The following MCFD2 variants were observed in gnomAD, a reference collection of about 807,000 sequenced individuals.
The protein encoded by MCFD2 is multiple coagulation factor deficiency protein 2.
Under a neutral mutation model 12.8 loss-of-function variants are expected in MCFD2, and 11 were observed. The ratio of observed to expected loss-of-function variants is 0.86; its 90% CI spans 0.54 to 1.42. MCFD2 has a LOEUF of 1.42. Among genes scored for constraint, MCFD2 ranks in the 40% most tolerant of loss-of-function variants. MCFD2 has a pLI of 0.00. For synonymous variants in MCFD2, 70 were observed against 68.1 expected, an observed-to-expected ratio of 1.03 and a Z score of -0.14; for missense variants, 191 against 178.6, an observed-to-expected ratio of 1.07 and a Z score of -0.40.
intron 1 of MCFD2, among the ~76,000 whole-genome samples, chr2:46,934,921 C>G (rs1669900449): frequency 6.6e-6 from 1 of 150,616 alleles, no homozygotes; most frequent in Non-Finnish European, 1.5e-5. Context: ...TTGCCTCAGC[C>G]TCCTGAGTAG....
rs917266721 is a variant in MCFD2, at chr2:46,904,864, G to C, written c.*599C>G. Reference sequence around the variant, plus strand: ...GACATGAGATTTGGAGGGGCCAGGGGTAGAATGATATGGTTTGGCTATGTC... The same window carrying C: ...GACATGAGATTTGGAGGGGCCAGGGCTAGAATGATATGGTTTGGCTATGTC... On this transcript the variant is annotated 3_prime_UTR_variant, in exon 4 of 4. Transcript: ENST00000319466. The C allele has an allele frequency of 1.1e-5, 2 of 175,972 alleles. No homozygotes were observed. The highest frequency in any genetic ancestry group is 4.8e-5 in the African/African-American group (2 of 41,800). The allele number at this position is 175,972 out of a possible 1,614,324, so 10.9% of individuals were successfully genotyped here. A position where few individuals can be genotyped will look rare whatever the true frequency, so the allele number is the denominator to read the frequency against.
chr2:46,910,114 A>G (rs775567036), intron 1 of MCFD2, among the ~76,000 whole-genome samples: 59 of 152,210 alleles, frequency 3.9e-4, no homozygotes, highest in Non-Finnish European at 6.5e-4. Flanking sequence ...CAGAGAAATC[A>G]GGATGCCATC....
In MCFD2 at chr2:46,902,509, G is replaced by T. The variant is rs1457613605; in HGVS notation, c.*2954C>A. 1 of 152,606 alleles carries T rather than the reference G, an allele frequency of 6.6e-6. No individual in the cohort carries two copies. The highest frequency in any genetic ancestry group is 1.5e-5 in the Non-Finnish European group (1 of 68,038). The allele number at this position is 152,606 out of a possible 1,614,324, so 9.5% of individuals were successfully genotyped here. On this transcript the variant is annotated 3_prime_UTR_variant, in exon 4 of 4. Transcript: ENST00000319466. ...ATTAGAGAACACACTCAAATTCAGG[G>T]TCTCTCCCAGGTTGAAGAAGACAGA...
Position 46,909,034 on chromosome 2 carries a change from C to A in MCFD2, c.138G>T (p.Val46=), listed in dbSNP as rs766859640. ...GGCTGAATACGTACTCTTGGTCGTG[C>A]ACTGTGTTCTTATCCAGGCCCATGC... ...PGSMGLDKNT[V]HDQEHIMEHL... Residue 46 remains valine, a synonymous_variant, in exon 2 of 4, where the codon GTG becomes GTT. Coordinates refer to ENST00000319466, the MANE Select transcript of MCFD2 (RefSeq NM_139279.6). 6.2e-7 allele frequency: 1 copy of A among 1,614,236 alleles called. No homozygotes were observed. Among genetic ancestry groups the A allele is most frequent in the East Asian group, 2.2e-5 (1 of 44,884 alleles).
At chr2:46,915,065 T>C (rs1668656376) in intron 1 of MCFD2, among the ~76,000 whole-genome samples, 1 of 152,164 alleles carries the variant, frequency 6.6e-6, no homozygotes, top group East Asian at 1.9e-4. Context: ...CCTCTCTGTA[T>C]AGAACAAACT....
At chr2:46,932,291 A>G (rs1380565406) in intron 1 of MCFD2, among the ~76,000 whole-genome samples, 1 of 152,000 alleles carries the variant, frequency 6.6e-6, no homozygotes, top group African/African-American at 2.4e-5. Context: ...CTGGGATTAC[A>G]GGTGCCCCCA....
Position 46,905,514 on chromosome 2 carries a change from C to A in MCFD2, c.390G>T (p.Lys130Asn). ...CATAGTCAATGTATCCATCATTGTT[C>A]TTGTCATCATCTCTCAAAACACCAT... Reference protein sequence around the residue: ...IIDGVLRDDDKNNDGYIDYAE... With the variant: ...IIDGVLRDDDNNNDGYIDYAE... Residue 130 changes from lysine to asparagine, a missense_variant, in exon 4 of 4, where the codon AAG (lysine) becomes AAT (asparagine). Physicochemically the swap from Lys to Asn is moderately conservative, Grantham distance 94. Coordinates refer to ENST00000319466, the MANE Select transcript of MCFD2 (RefSeq NM_139279.6). 2 of 1,613,358 alleles carry A rather than the reference C, an allele frequency of 1.2e-6. No homozygotes were observed.
chr2:46,920,921 CTA>C (rs901413284), intron 1 of MCFD2, among the ~76,000 whole-genome samples: 6 of 151,286 alleles, frequency 4.0e-5, no homozygotes, highest in Non-Finnish European at 8.8e-5. Flanking sequence ...ATAAGAAAAA[CTA>C]TATGATAATT....
At chr2:46,919,474 G>A (rs1276395144), upstream of MCFD2, among the ~76,000 whole-genome samples, 2 of 152,184 alleles carry the variant, frequency 1.3e-5, no homozygotes, top group African/African-American at 4.8e-5. Flanking sequence ...CAGAGGTTGA[G>A]GTGAGCTGAG....
At chr2:46,929,575 G>T (rs1209060916) in intron 1 of MCFD2, among the ~76,000 whole-genome samples, 7 of 152,172 alleles carry the variant, frequency 4.6e-5, no homozygotes, top group African/African-American at 1.4e-4. Flanking sequence ...AAAAATTTTT[G>T]AACTGAATGT....
Position 46,904,906 on chromosome 2 carries a change from C to T in MCFD2, c.*557G>A, listed in dbSNP as rs185756640. ...GGCTATGTCCCCACCCAAATCTCAA[C>T]TTGAAATTGTATCTACCAGAATTCC... On this transcript the variant is annotated 3_prime_UTR_variant, in exon 4 of 4. Transcript: ENST00000319466. 165 of 191,524 alleles carry T rather than the reference C, an allele frequency of 8.6e-4. 5 individuals carry two copies. The East Asian group carries it at 0.015, about 17-fold the overall frequency. The allele number at this position is 191,524 out of a possible 1,614,324, so 11.9% of individuals were successfully genotyped here.
At position 46,905,415 on chromosome 2, in the gene MCFD2, T is replaced by G; in HGVS notation, c.*48A>C. 6.2e-7 allele frequency: 1 copy of G among 1,608,036 alleles called. No individual in the cohort carries two copies. Among genetic ancestry groups the G allele is most frequent in the East Asian group, 2.2e-5 (1 of 44,818 alleles). On this transcript the variant is annotated 3_prime_UTR_variant, in exon 4 of 4. Coordinates refer to ENST00000319466, the MANE Select transcript of MCFD2 (RefSeq NM_139279.6). ...TGCATTACTAAAGTGTTCAATCACA[T>G]TATCACGGGTCACATTTGTATATAA... is the stretch of plus-strand genomic sequence containing the variant.
In MCFD2 at chr2:46,908,079, C is replaced by A; in HGVS notation, c.150-110G>T. 1.7e-6 allele frequency: 2 copies of A among 1,193,674 alleles called. No individual in the cohort carries two copies. Among genetic ancestry groups the A allele is most frequent in the Admixed American group, 1.9e-5 (1 of 51,868 alleles). 73.9% of individuals were successfully genotyped at this position (1,193,674 alleles called of 1,614,324 possible). ...TTAAACTTCCTCCAGCTCAGAAAAA[C>A]AAACACCAGCAGTGGCAGACCACAC... On this transcript the variant is annotated intron_variant, in intron 2 of 3. Coordinates refer to ENST00000319466, the MANE Select transcript of MCFD2 (RefSeq NM_139279.6). The surrounding 1 kb of genome is among the most constrained non-coding windows in gnomAD (Gnocchi z 4.5).
intron 1 of MCFD2, among the ~76,000 whole-genome samples, chr2:46,931,346 A>C (rs900388287): frequency 1.3e-5 from 2 of 152,262 alleles, no homozygotes; most frequent in African/African-American, 4.8e-5. Flanking sequence ...TCAGCTTCTG[A>C]AAGTGCTGGG....
Position 46,908,269 on chromosome 2 carries a change from T to G in MCFD2, c.150-300A>C. On this transcript the variant is annotated intron_variant, in intron 2 of 3. Transcript: ENST00000319466. This position sits in a 1 kb window ranked among gnomAD's most constrained non-coding sequence, Gnocchi z 4.5. ...TAAAAATATGTCCTTTAAAACTTTTTTTTTTTTTTGAGACAGGGTCTCACT... is the reference window on the plus strand; with the variant it reads ...TAAAAATATGTCCTTTAAAACTTTTGTTTTTTTTTGAGACAGGGTCTCACT... The G allele has an allele frequency of 2.5e-6, 1 of 398,848 alleles. No homozygotes were observed. Among genetic ancestry groups the G allele is most frequent in the South Asian group, 2.2e-5 (1 of 45,464 alleles). The allele number at this position is 398,848 out of a possible 1,614,324, so 24.7% of individuals were successfully genotyped here.
At chr2:46,920,592 A>G (rs1159633397), upstream of MCFD2, among the ~76,000 whole-genome samples, 1 of 151,896 alleles carries the variant, frequency 6.6e-6, no homozygotes, top group Non-Finnish European at 1.5e-5. Flanking sequence ...CAGCCTCCCA[A>G]AGTGCTGAGA....
Position 46,939,424 on chromosome 2 carries a change from C to T in MCFD2, c.-8+2148G>A, listed in dbSNP as rs940189153. On this transcript the variant is annotated intron_variant, in intron 1 of 2. Coordinates refer to the MCFD2 transcript ENST00000409147. ...GGAAAATAGCTGTGAAGGGGTCCGG[C>T]GTATGTTGAGGAAGAGCTCATTAAA... 3.3e-5 allele frequency among the ~76,000 whole-genome samples: 5 copies of T among 152,174 alleles called. No homozygotes were observed. In the Middle Eastern group the frequency reaches 0.01, roughly 311 times the overall value.
chr2:46,911,300 G>A (rs1051570547), intron 1 of MCFD2, among the ~76,000 whole-genome samples: 1 of 151,754 alleles, frequency 6.6e-6, no homozygotes, highest in Admixed American at 6.6e-5. Flanking sequence ...GCTAATTTTT[G>A]TGTTTTTAGT....
Position 46,905,695 on chromosome 2 carries a change from TAAAAAAAAAAA to T in MCFD2, c.310-112_310-102del, listed in dbSNP as rs59068176. ...CATGTTCTTTCATGGCACTGTTTATTAAAAAAAAAAAAAAAAAAAAGGAAAAACAAAACAAC... is the reference window on the plus strand; with the variant it reads ...CATGTTCTTTCATGGCACTGTTTATTAAAAAAAAAGGAAAAACAAAACAAC... On this transcript the variant is annotated intron_variant, in intron 3 of 3. Coordinates refer to ENST00000319466, the MANE Select transcript of MCFD2 (RefSeq NM_139279.6). 138 of 509,006 alleles carry T rather than the reference TAAAAAAAAAAA, an allele frequency of 2.7e-4. 1 individual carries two copies. The African/African-American group carries it at 2.8e-3, about 10-fold the overall frequency. The allele number at this position is 509,006 out of a possible 1,614,324, so 31.5% of individuals were successfully genotyped here.
Sources: gnomAD v4.1 joint callset for allele counts (sites outside exome capture counted in the v4.1 genomes callset) on GRCh38, gnomAD v4.1.1 for gene constraint, Gnocchi (gnomAD v3.1) non-coding constraint, MANE v1.5 for transcripts, NCBI Gene and HGNC (gene_info 2026-07-23, HGNC 2026-07-21) for gene names.